The following SERPINE2 variants were observed in gnomAD, a reference collection of about 807,000 sequenced individuals.
SERPINE2 encodes glia-derived nexin.
In SERPINE2, 14 loss-of-function variants were observed where a neutral mutation model predicts 36.3. That is an observed-to-expected ratio of 0.39 (90% CI 0.25 to 0.60). The LOEUF (loss-of-function observed/expected upper bound fraction) is 0.60. Ranked by LOEUF, SERPINE2 falls within the 20% of genes least tolerant of loss-of-function variation. SERPINE2 has a pLI of 0.57. For missense variants in SERPINE2, 418 were observed against 499.6 expected, an observed-to-expected ratio of 0.84 and a Z score of 1.56; for synonymous variants, 192 against 191.8, an observed-to-expected ratio of 1.00 and a Z score of -0.01.
At chr2:224,030,768 T>A (rs1410060794) in intron 1 of SERPINE2, 1 of 160,994 alleles carries the variant, frequency 6.2e-6, no homozygotes, top group Non-Finnish European at 1.3e-5. Context: ...CAATTAGGCA[T>A]GTTTGAAAAG....
In SERPINE2 at chr2:224,001,846, A is replaced by G; in HGVS notation, c.55T>C (p.Cys19Arg). 6.2e-7 allele frequency: 1 copy of G among 1,614,204 alleles called. No individual in the cohort carries two copies. Among genetic ancestry groups the G allele is most frequent in the Non-Finnish European group, 8.5e-7 (1 of 1,180,040 alleles). The stretch of plus-strand genomic sequence containing the variant: ...AGAGACAGAGGATTGAAGTGGGAGC[A>G]GATGGAAGGCAGCGTCACAGAGGCC... ...LLASVTLPSI[C>R]SHFNPLSLEE... Residue 19 changes from cysteine to arginine, a missense_variant, in exon 2 of 9, where the codon TGC becomes CGC. Cys to Arg is a radical substitution (Grantham distance 180). Coordinates refer to ENST00000409304, the MANE Select transcript of SERPINE2 (RefSeq NM_001136528.2).
intron 1 of SERPINE2, among the ~76,000 whole-genome samples, chr2:224,025,534 T>C (rs1251715262): frequency 6.6e-6 from 1 of 152,244 alleles, no homozygotes; most frequent in Non-Finnish European, 1.5e-5. Context: ...AAATAAACTT[T>C]ATGACTCACA....
At chr2:223,988,062 T>G (rs1356303657) in intron 4 of SERPINE2, among the ~76,000 whole-genome samples, 1 of 151,732 alleles carries the variant, frequency 6.6e-6, no homozygotes, top group Non-Finnish European at 1.5e-5. Flanking sequence ...CCAAAGGGAG[T>G]TCGGGGACAG....
At chr2:224,013,575 TG>T (rs1405437709) in intron 1 of SERPINE2, among the ~76,000 whole-genome samples, 1 of 152,182 alleles carries the variant, frequency 6.6e-6, no homozygotes, top group Non-Finnish European at 1.5e-5. Flanking sequence ...GAACAGTGGT[TG>T]TAAGAATAAT....
intron 1 of SERPINE2, among the ~76,000 whole-genome samples, chr2:224,004,937 C>T (rs1202164924): frequency 6.8e-6 from 1 of 148,098 alleles, no homozygotes; most frequent in Non-Finnish European, 1.5e-5. Flanking sequence ...AAGACATGAA[C>T]ATTAAACTGG....
chr2:223,980,433 T>C (rs377698394), intron 6 of SERPINE2, 36 bp from the exon 7 acceptor site: 11 of 1,575,648 alleles, frequency 7.0e-6, no homozygotes, highest in South Asian at 1.1e-5. Flanking sequence ...CAGCATTTGT[T>C]TGATAGGCAG....
Position 223,977,612 on chromosome 2 carries a change from G to A in SERPINE2, c.1088C>T (p.Ala363Val). 1 of 1,612,574 alleles carries A rather than the reference G, an allele frequency of 6.2e-7. No homozygotes were observed. The highest frequency in any genetic ancestry group is 8.5e-7 in the Non-Finnish European group (1 of 1,178,634). The change falls in exon 8 of 9, where the codon GCA becomes GTA. Residue 363 changes from alanine to valine, a missense_variant. Transcript: ENST00000409304. Reference protein sequence around the residue: ...ASAATTAILIARSSPPWFIVD... With the variant: ...ASAATTAILIVRSSPPWFIVD... ...TATAAACCAGGGAGGCGATGATCTT[G>A]CAATGAGAATTGCAGCTACGGGAAG... is the stretch of plus-strand genomic sequence containing the variant.
At chr2:224,031,743 A>C in intron 1 of SERPINE2, among the ~76,000 whole-genome samples, 1 of 149,326 alleles carries the variant, frequency 6.7e-6, no homozygotes. Flanking sequence ...ATTCCTCCCT[A>C]GGATTTCCAC....
At chr2:224,017,835 G>A (rs115889228) in intron 1 of SERPINE2, among the ~76,000 whole-genome samples, 3,029 of 152,276 alleles carry the variant, frequency 0.02, 71 homozygotes, top group African/African-American at 0.056. Context: ...CCATCATCAC[G>A]AAGGCCTGGG....
In SERPINE2 at chr2:224,029,720, G is replaced by C. The variant is rs564000932; in HGVS notation, c.-23+9379C>G. On this transcript the variant is annotated intron_variant, in intron 1 of 8. Coordinates refer to ENST00000409304, the MANE Select transcript of SERPINE2 (RefSeq NM_001136528.2). ...CATTTTTTGTTTTGTTTTATTTTGA[G>C]ACAGAGCCTCCCTCTGTTACCCAGG... 1.2e-4 allele frequency among the ~76,000 whole-genome samples: 18 copies of C among 152,262 alleles called. No homozygotes were observed. In the South Asian group the frequency reaches 3.5e-3, roughly 30 times the overall value.
chr2:224,013,294 C>G (rs1051396819), intron 1 of SERPINE2, among the ~76,000 whole-genome samples: 1 of 152,184 alleles, frequency 6.6e-6, no homozygotes, highest in Non-Finnish European at 1.5e-5. Flanking sequence ...CTAGAAAAGG[C>G]ATCTCTGTTT....
At chr2:223,997,812 T>G (rs1559204028) in intron 3 of SERPINE2, among the ~76,000 whole-genome samples, 1 of 152,022 alleles carries the variant, frequency 6.6e-6, no homozygotes, top group Non-Finnish European at 1.5e-5. Context: ...AAGAAAACCT[T>G]CAAAATCAAC....
At chr2:224,028,774 C>A (rs1347092482) in intron 1 of SERPINE2, among the ~76,000 whole-genome samples, 1 of 152,212 alleles carries the variant, frequency 6.6e-6, no homozygotes, top group Non-Finnish European at 1.5e-5. Flanking sequence ...CTTGGAAGTA[C>A]TTTTTGGGCT....
chr2:224,001,046 C>T (rs1464043134), intron 2 of SERPINE2, among the ~76,000 whole-genome samples: 2 of 152,022 alleles, frequency 1.3e-5, no homozygotes, highest in Non-Finnish European at 2.9e-5. Context: ...GCCTTTCACC[C>T]AGTCTTCCCA....
At chr2:224,001,052 TC>T (rs199860176) in intron 2 of SERPINE2, among the ~76,000 whole-genome samples, 1,943 of 152,276 alleles carry the variant, frequency 0.013, 35 homozygotes, top group African/African-American at 0.044. Context: ...CACCCAGTCT[TC>T]CCAGTGGTAC....
intron 1 of SERPINE2, among the ~76,000 whole-genome samples, chr2:224,027,396 C>G (rs1444233388): frequency 6.6e-6 from 1 of 152,126 alleles, no homozygotes; most frequent in African/African-American, 2.4e-5. Context: ...GACTGCTCTC[C>G]TGGTGTCCTG....
intron 1 of SERPINE2, among the ~76,000 whole-genome samples, chr2:224,009,516 T>C (rs1691549749): frequency 6.6e-6 from 1 of 152,038 alleles, no homozygotes; most frequent in African/African-American, 2.4e-5. Context: ...CCAACATGGC[T>C]TAACCCTGTC....
At chr2:224,032,878 AAG>A (rs1208861989) in intron 1 of SERPINE2, among the ~76,000 whole-genome samples, 3 of 152,356 alleles carry the variant, frequency 2.0e-5, no homozygotes, top group African/African-American at 7.2e-5. Context: ...AGAATCCCAG[AAG>A]GGATGCCGAC....
chr2:223,999,889 GGAGT>G (rs1337269170), intron 2 of SERPINE2, among the ~76,000 whole-genome samples: 1 of 152,190 alleles, frequency 6.6e-6, no homozygotes, highest in Non-Finnish European at 1.5e-5. Flanking sequence ...TAAATCACCA[GGAGT>G]TTTCTGAACT....
Sources: allele counts gnomAD v4.1 joint callset (sites outside exome capture counted in the v4.1 genomes callset), GRCh38; gene constraint gnomAD v4.1.1; transcripts MANE v1.5; gene names NCBI Gene and HGNC (gene_info 2026-07-23, HGNC 2026-07-21).